Variants in COL21A1 observed in about 807,000 individuals in gnomAD.
COL21A1 encodes collagen alpha-1(XXI) chain.
COL21A1 carries 149 observed loss-of-function variants against 137.9 expected under a neutral mutation model. That is an observed-to-expected ratio of 1.08 (90% confidence interval 0.95 to 1.24). The LOEUF (loss-of-function observed/expected upper bound fraction) is 1.24, where lower values mean the gene tolerates loss of function less well. Among genes scored for constraint, COL21A1 ranks in the 50% most tolerant of loss-of-function variants. COL21A1 has a pLI of 0.00. For missense variants in COL21A1, 1,167 were observed against 1,158.4 expected (o/e 1.01, Z -0.11); for synonymous variants, 456 against 391.5 (o/e 1.16, Z -1.95).
intron 1 of COL21A1, among the ~76,000 whole-genome samples, chr6:56,310,295 G>A (rs534517740): frequency 6.6e-6 from 1 of 152,284 alleles, no homozygotes; most frequent in East Asian, 1.9e-4. Flanking sequence ...GCCACTAGAG[G>A]AAGTTTTAAA....
At chr6:56,232,166 T>C (rs994725574) in intron 1 of COL21A1, among the ~76,000 whole-genome samples, 13 of 151,830 alleles carry the variant, frequency 8.6e-5, no homozygotes, top group African/African-American at 3.1e-4. Context: ...TATATTTGAA[T>C]AAATCTATGT....
chr6:56,325,661 T>TG lies in COL21A1; in HGVS notation c.-39+68309_-39+68310insC, dbSNP rs1765038478. Among the ~76,000 whole-genome samples the TG allele has an allele frequency of 3.8e-3, 3 of 782 alleles. 1 individual carries two copies. The highest frequency in any genetic ancestry group is 0.024 in the Non-Finnish European group (1 of 42). The allele number at this position is 782 out of a possible 152,430, so 0.5% of individuals were successfully genotyped here. On this transcript the variant is annotated intron_variant, in intron 1 of 28. Coordinates refer to the COL21A1 transcript ENST00000370819. ...AATATATAATATAATATATTATATA[T>TG]TAAATATATTATATATAATAGATAA...
At chr6:56,157,364 G>T (rs1214433025) in intron 9 of COL21A1, among the ~76,000 whole-genome samples, 11 of 141,364 alleles carry the variant, frequency 7.8e-5, no homozygotes, top group Non-Finnish European at 1.5e-4. Context: ...AGGCTGCAGT[G>T]CAGTGATGCG....
At chr6:56,321,779 G>A (rs759899148) in intron 1 of COL21A1, among the ~76,000 whole-genome samples, 2 of 152,022 alleles carry the variant, frequency 1.3e-5, no homozygotes, top group African/African-American at 4.8e-5. Context: ...GAGAATCATC[G>A]AAGTTGAACC....
intron 18 of COL21A1, 144 bp downstream of exon 18, chr6:56,077,385 G>T (rs1767335645): frequency 5.0e-6 from 3 of 603,562 alleles, no homozygotes; most frequent in Non-Finnish European, 8.5e-6. Context: ...ATACAAATTT[G>T]TAAAGCCAAA....
chr6:56,324,953 T>C (rs2152342071), intron 1 of COL21A1, among the ~76,000 whole-genome samples: 1 of 151,896 alleles, frequency 6.6e-6, no homozygotes, highest in East Asian at 2.0e-4. Flanking sequence ...CTTTTATCTC[T>C]GAAGATGAAG....
Position 56,124,106 on chromosome 6 carries a change from C to A in COL21A1, c.1714G>T (p.Gly572Ter), listed in dbSNP as rs1476272204. Reference sequence around the variant, plus strand: ...ATTAATCCATCCTTTCCATGTCTTCCTGGTTCTCCCTAAAAAATAAATACA... The same window carrying A: ...ATTAATCCATCCTTTCCATGTCTTCATGGTTCTCCCTAAAAAATAAATACA... ...PGLPGPAGEP[G>*]RHGKDGLMGS... Residue 572 changes from glycine (G) to a stop codon, truncating the protein, a stop_gained, in exon 16 of 30, where the codon GGA (glycine) becomes TGA (stop). Coordinates refer to ENST00000244728, the MANE Select transcript of COL21A1 (RefSeq NM_030820.4). LOFTEE classifies it high-confidence loss of function. 2 of 1,538,896 alleles carry A rather than the reference C, an allele frequency of 1.3e-6. No individual in the cohort carries two copies. The highest frequency in any genetic ancestry group is 1.8e-6 in the Non-Finnish European group (2 of 1,142,282).
intron 19 of COL21A1, among the ~76,000 whole-genome samples, chr6:56,075,234 C>T (rs944959153): frequency 1.3e-5 from 2 of 151,358 alleles, no homozygotes; most frequent in African/African-American, 4.8e-5. Context: ...TCTAATTTAT[C>T]TACAGTTAGG....
At chr6:56,062,378 C>T (rs1424708346) in intron 24 of COL21A1, among the ~76,000 whole-genome samples, 3 of 152,084 alleles carry the variant, frequency 2.0e-5, no homozygotes. Context: ...ATATTTATTT[C>T]AGTGGTGTAT....
At chr6:56,165,451 G>A (rs930675216) in intron 7 of COL21A1, among the ~76,000 whole-genome samples, 1 of 152,176 alleles carries the variant, frequency 6.6e-6, no homozygotes, top group Non-Finnish European at 1.5e-5. Context: ...ATCTAAAGCT[G>A]TGCTTCATCA....
chr6:56,122,895 T>C (rs62412807), intron 16 of COL21A1, among the ~76,000 whole-genome samples: 22,867 of 152,190 alleles, frequency 0.15, 1,750 homozygotes, highest in Middle Eastern at 0.22. Flanking sequence ...GTCAAAATAT[T>C]TGCCAGAGAA....
chr6:56,170,709 AAAT>A lies in COL21A1; in HGVS notation c.963_965del (p.Leu321del), dbSNP rs1311975344. On this transcript the variant is annotated inframe_deletion, in exon 5 of 30. Coordinates refer to ENST00000244728, the MANE Select transcript of COL21A1 (RefSeq NM_030820.4). ...AGCCATTAATTACGCTGGTTGTTGTAAATAATAAGATTTTGTCCACACCATTTA... is the reference window on the plus strand; with the variant it reads ...AGCCATTAATTACGCTGGTTGTTGTAAATAAGATTTTGTCCACACCATTTA... 5.0e-6 allele frequency: 8 copies of A among 1,606,648 alleles called. No individual in the cohort carries two copies. The highest frequency in any genetic ancestry group is 6.8e-6 in the Non-Finnish European group (8 of 1,175,604).
chr6:56,356,114 C>T (rs1389462598), intron 1 of COL21A1, among the ~76,000 whole-genome samples: 3 of 152,168 alleles, frequency 2.0e-5, no homozygotes, highest in Non-Finnish European at 4.4e-5. Flanking sequence ...TATTCAAGCA[C>T]AATGCCAGTT....
chr6:56,377,334 C>T (rs908454677), intron 1 of COL21A1, among the ~76,000 whole-genome samples: 25 of 151,922 alleles, frequency 1.6e-4, no homozygotes, highest in Non-Finnish European at 3.4e-4. Context: ...CCCCAATCCC[C>T]GATTCCCCAC....
At chr6:56,097,826 T>A (rs1210370823) in intron 17 of COL21A1, among the ~76,000 whole-genome samples, 1 of 51,166 alleles carries the variant, frequency 2.0e-5, no homozygotes, top group African/African-American at 9.3e-5. Context: ...TAAATACATA[T>A]AAATATATAT....
chr6:56,323,692 T>G (rs1278040374), intron 1 of COL21A1, among the ~76,000 whole-genome samples: 1 of 152,138 alleles, frequency 6.6e-6, no homozygotes, highest in African/African-American at 2.4e-5. Context: ...AGATAAATGT[T>G]GCCTCTTTGA....
intron 1 of COL21A1, among the ~76,000 whole-genome samples, chr6:56,358,070 A>G (rs1462960833): frequency 1.3e-5 from 2 of 152,328 alleles, no homozygotes; most frequent in South Asian, 4.1e-4. Flanking sequence ...ATATATATAC[A>G]ATGACATTCT....
At chr6:56,318,734 A>AT (rs1764800426) in intron 1 of COL21A1, among the ~76,000 whole-genome samples, 1 of 151,938 alleles carries the variant, frequency 6.6e-6, no homozygotes, top group South Asian at 2.1e-4. Context: ...TCATTAATAG[A>AT]TTTTTCCTTC....
In COL21A1 at chr6:56,060,971, C is replaced by A. The variant is rs1391654688; in HGVS notation, c.2272G>T (p.Gly758Cys). 6.2e-7 allele frequency: 1 copy of A among 1,608,114 alleles called. No individual in the cohort carries two copies. The highest frequency in any genetic ancestry group is 2.3e-5 in the East Asian group (1 of 44,178). ...IGSKGESGVDGLMGPAGPKGQ... is the reference protein window; with the variant it reads ...IGSKGESGVDCLMGPAGPKGQ... ...TTAGGACCTGCGGGCCCCATCAAGC[C>A]ATCCACCCCAGATTCTCCTTTTGAT... Residue 758 changes from glycine to cysteine, a missense_variant, in exon 26 of 30, where the codon GGC (glycine) becomes TGC (cysteine). Transcript: ENST00000244728.
Sources: allele counts gnomAD v4.1 joint callset (sites outside exome capture counted in the v4.1 genomes callset), GRCh38; gene constraint gnomAD v4.1.1; transcripts MANE v1.5; gene names NCBI Gene and HGNC (gene_info 2026-07-23, HGNC 2026-07-21).